Variants in PSD3 observed in about 807,000 individuals in gnomAD.
PSD3 encodes the protein PH and SEC7 domain-containing protein 3.
In PSD3, 49 loss-of-function variants were observed where a neutral mutation model predicts 105.5. The ratio of observed to expected loss-of-function variants is 0.46; its 90% CI spans 0.37 to 0.59. PSD3 has a LOEUF of 0.59. Among genes scored for constraint, PSD3 ranks in the 20% least tolerant of loss-of-function variants. PSD3 has a pLI of 0.00. For synonymous variants in PSD3, 557 were observed against 457.8 expected, an observed-to-expected ratio of 1.22 and a Z score of -2.77; for missense variants, 1,561 against 1,263.8, an observed-to-expected ratio of 1.24 and a Z score of -3.57.
chr8:18,797,150 T>C (rs1810257344), intron 8 of PSD3, among the ~76,000 whole-genome samples: 1 of 152,158 alleles, frequency 6.6e-6, no homozygotes, highest in Admixed American at 6.6e-5. Flanking sequence ...TGATAGCTAC[T>C]ATATATTCAA....
chr8:18,729,632 T>C (rs948606470), intron 9 of PSD3, among the ~76,000 whole-genome samples: 4 of 152,220 alleles, frequency 2.6e-5, no homozygotes, highest in Non-Finnish European at 2.9e-5. Context: ...TTTTTAGTAA[T>C]TGTATATCAA....
intron 1 of PSD3, among the ~76,000 whole-genome samples, chr8:19,072,498 A>T (rs1307811660): frequency 6.6e-6 from 1 of 152,230 alleles, no homozygotes; most frequent in Non-Finnish European, 1.5e-5. Context: ...AGGTATACAG[A>T]ACACAGAATT....
chr8:18,964,692 C>T (rs1160126718), intron 1 of PSD3, among the ~76,000 whole-genome samples: 1 of 152,096 alleles, frequency 6.6e-6, no homozygotes, highest in Non-Finnish European at 1.5e-5. Flanking sequence ...GCCTAATTTT[C>T]CCCAGAGAGG....
chr8:18,713,905 A>G (rs1802408804), intron 9 of PSD3, among the ~76,000 whole-genome samples: 1 of 152,206 alleles, frequency 6.6e-6, no homozygotes, highest in Non-Finnish European at 1.5e-5. Context: ...AGTAACCAAA[A>G]CAGTATGGTA....
chr8:18,878,284 A>G lies in PSD3; in HGVS notation c.131-5551T>C, dbSNP rs879036786. 2.0e-5 allele frequency among the ~76,000 whole-genome samples: 3 copies of G among 152,184 alleles called. No homozygotes were observed. In the East Asian group the frequency reaches 5.8e-4, roughly 29 times the overall value. ...CAATTTGTTGCTGTATGTGAATCTT[A>G]TATCCTACAACCTTGCTTAACTTGG... is the stretch of plus-strand genomic sequence containing the variant. On this transcript the variant is annotated intron_variant, in intron 2 of 15. Coordinates refer to ENST00000327040, the MANE Select transcript of PSD3 (RefSeq NM_015310.4).
chr8:18,804,354 C>G (rs1418223546), intron 6 of PSD3, 168 bp downstream of exon 6: 14 of 587,486 alleles, frequency 2.4e-5, no homozygotes, highest in Non-Finnish European at 3.7e-5. Flanking sequence ...CTGACAAAAT[C>G]CAAAATCCAC....
intron 1 of PSD3, among the ~76,000 whole-genome samples, chr8:19,052,703 T>G (rs1249585932): frequency 2.6e-5 from 4 of 152,078 alleles, no homozygotes; most frequent in African/African-American, 7.2e-5. Flanking sequence ...ATGGGTCAGA[T>G]TGTCTACACA....
intron 12 of PSD3, among the ~76,000 whole-genome samples, chr8:18,590,816 A>T (rs1358223016): frequency 2.0e-5 from 3 of 152,230 alleles, no homozygotes; most frequent in Admixed American, 2.0e-4. Context: ...AAACAAAACC[A>T]TAATTACATA....
intron 4 of PSD3, among the ~76,000 whole-genome samples, chr8:18,858,699 C>T (rs1411512333): frequency 6.6e-6 from 1 of 152,116 alleles, no homozygotes; most frequent in Non-Finnish European, 1.5e-5. Flanking sequence ...CAAGAAACCG[C>T]TTTCTTTATT....
At chr8:18,785,187 A>G (rs1241378594) in intron 8 of PSD3, among the ~76,000 whole-genome samples, 3 of 152,200 alleles carry the variant, frequency 2.0e-5, no homozygotes, top group Non-Finnish European at 2.9e-5. Context: ...TTGTCATAGT[A>G]TCACTGGGGC....
chr8:18,908,241 G>C (rs58967012), intron 2 of PSD3, among the ~76,000 whole-genome samples: 2,614 of 152,136 alleles, frequency 0.017, 67 homozygotes, highest in East Asian at 0.097. Flanking sequence ...CCAGAAAGAG[G>C]GCAGTCACCC....
At chr8:18,772,575 C>G (rs1359981044) in intron 8 of PSD3, among the ~76,000 whole-genome samples, 2 of 152,128 alleles carry the variant, frequency 1.3e-5, no homozygotes, top group African/African-American at 4.8e-5. Flanking sequence ...GTGGCACAAT[C>G]TCTGGTCACT....
At chr8:18,668,988 C>T (rs17695653) in intron 9 of PSD3, among the ~76,000 whole-genome samples, 5,653 of 152,220 alleles carry the variant, frequency 0.037, 165 homozygotes, top group Admixed American at 0.1. Context: ...CCTAAGTTCA[C>T]GGCTAAGAAA....
intron 1 of PSD3, among the ~76,000 whole-genome samples, chr8:19,082,176 C>A (rs1205051412): frequency 6.6e-6 from 1 of 152,162 alleles, no homozygotes; most frequent in Non-Finnish European, 1.5e-5. Context: ...TAACACCCAA[C>A]CCTGGGCAGG....
intron 10 of PSD3, among the ~76,000 whole-genome samples, chr8:18,639,008 G>A (rs556595566): frequency 6.6e-6 from 1 of 152,160 alleles, no homozygotes; most frequent in African/African-American, 2.4e-5. Context: ...TCCGTGGCTT[G>A]TGCCAGTCTG....
chr8:18,944,044 C>T (rs1244472286), intron 1 of PSD3, among the ~76,000 whole-genome samples: 1 of 152,142 alleles, frequency 6.6e-6, no homozygotes, highest in Non-Finnish European at 1.5e-5. Flanking sequence ...TACCACCCCA[C>T]TACTATATCA....
intron 15 of PSD3, among the ~76,000 whole-genome samples, chr8:18,552,827 C>T (rs1025021023): frequency 1.3e-5 from 2 of 152,182 alleles, no homozygotes; most frequent in East Asian, 1.9e-4. Flanking sequence ...AATTCAGTAA[C>T]ATCCCTTCGC....
At chr8:19,079,413 C>T (rs1278595385) in intron 1 of PSD3, among the ~76,000 whole-genome samples, 1 of 152,174 alleles carries the variant, frequency 6.6e-6, no homozygotes, top group African/African-American at 2.4e-5. Context: ...TTTGTGCATG[C>T]TCTTTCTTTG....
intron 9 of PSD3, among the ~76,000 whole-genome samples, chr8:18,731,792 C>G (rs150168969): frequency 6.6e-6 from 1 of 152,166 alleles, no homozygotes; most frequent in Non-Finnish European, 1.5e-5. Context: ...CCTGGGAACA[C>G]TTGCCATTTG....
Sources: allele counts gnomAD v4.1 joint callset (sites outside exome capture counted in the v4.1 genomes callset), GRCh38; gene constraint gnomAD v4.1.1; transcripts MANE v1.5; gene names NCBI Gene and HGNC (gene_info 2026-07-23, HGNC 2026-07-21).